Variants in ROBO1 observed in about 807,000 individuals in gnomAD.
ROBO1 encodes roundabout homolog 1.
A neutral mutation model predicts 195.9 loss-of-function variants in ROBO1; 149 were observed. The ratio of observed to expected loss-of-function variants is 0.76; its 90% CI spans 0.67 to 0.87. The LOEUF is 0.87. Ranked by LOEUF, ROBO1 falls within the 40% of genes least tolerant of loss-of-function variation. The pLI is 0.00. For missense variants in ROBO1, 1,933 were observed against 2,068.3 expected (o/e 0.93, Z 1.27); for synonymous variants, 816 against 733.2 (o/e 1.11, Z -1.82).
chr3:79,560,574 TA>T lies in ROBO1; in HGVS notation c.88+29249del, dbSNP rs1279997034. 1.5e-3 allele frequency among the ~76,000 whole-genome samples: 205 copies of T among 134,942 alleles called. 2 individuals are homozygous for T. The highest frequency in any genetic ancestry group is 5.6e-3 in the African/African-American group (194 of 34,898). 88.5% of individuals were successfully genotyped at this position (134,942 alleles called of 152,430 possible). A position where few individuals can be genotyped will look rare whatever the true frequency, so the allele number is the denominator to read the frequency against. ...ATATATATATACACATACACATACA[TA>T]AAAAAAAATACTTGCCACAAGTACA... On this transcript the variant is annotated intron_variant, in intron 2 of 30. Coordinates refer to ENST00000464233, the MANE Select transcript of ROBO1 (RefSeq NM_002941.4).
chr3:79,508,132 A>G (rs28662218), intron 2 of ROBO1, among the ~76,000 whole-genome samples: 45,972 of 151,868 alleles, frequency 0.3, 7,240 homozygotes, highest in Non-Finnish European at 0.35. Context: ...GAGGAATAGC[A>G]TTAGGACAAA....
At chr3:78,758,420 A>G (rs2082997084) in intron 4 of ROBO1, among the ~76,000 whole-genome samples, 2 of 150,660 alleles carry the variant, frequency 1.3e-5, no homozygotes, top group South Asian at 4.2e-4. Flanking sequence ...GCTACTTGGA[A>G]GGCTGAGGTG....
At chr3:79,609,583 C>T (rs540105786) in intron 1 of ROBO1, among the ~76,000 whole-genome samples, 54 of 151,700 alleles carry the variant, frequency 3.6e-4, no homozygotes, top group Non-Finnish European at 6.5e-4. Context: ...TCATAATATT[C>T]AAAAGGGGAA....
chr3:79,072,660 T>C (rs982341718), intron 3 of ROBO1, among the ~76,000 whole-genome samples: 7 of 151,946 alleles, frequency 4.6e-5, no homozygotes, highest in African/African-American at 1.2e-4. Flanking sequence ...TTGACAATTA[T>C]TATTGGCTTA....
chr3:79,444,230 C>T (rs1436479154), intron 2 of ROBO1, among the ~76,000 whole-genome samples: 1 of 152,004 alleles, frequency 6.6e-6, no homozygotes, highest in African/African-American at 2.4e-5. Flanking sequence ...GAAGACATTA[C>T]AGGCATTAAA....
At chr3:79,266,265 T>C (rs75742706) in intron 2 of ROBO1, among the ~76,000 whole-genome samples, 2,627 of 151,682 alleles carry the variant, frequency 0.017, 33 homozygotes, top group Non-Finnish European at 0.027. Context: ...TATTTCTAGA[T>C]GTAGCAATTT....
intron 3 of ROBO1, among the ~76,000 whole-genome samples, chr3:79,080,801 G>C (rs1294511255): frequency 6.6e-6 from 1 of 152,044 alleles, no homozygotes; most frequent in Non-Finnish European, 1.5e-5. Flanking sequence ...TATCTCCCCA[G>C]TTGGATAGAG....
At position 78,748,782 on chromosome 3, in the gene ROBO1, G is replaced by A. The variant is rs117625103; in HGVS notation, c.500-1882C>T. 9.6e-4 allele frequency among the ~76,000 whole-genome samples: 144 copies of A among 150,664 alleles called. No homozygotes were observed. In the East Asian group the frequency reaches 0.012, roughly 13 times the overall value. On this transcript the variant is annotated intron_variant, in intron 4 of 30. Coordinates refer to ENST00000464233, the MANE Select transcript of ROBO1 (RefSeq NM_002941.4). ...CTGAATATTAAGACAACTTGGGCAC[G>A]GCATGACTATGTTAATATTTGGAAA...
chr3:78,836,989 C>T (rs1015465258), intron 4 of ROBO1, among the ~76,000 whole-genome samples: 5 of 152,120 alleles, frequency 3.3e-5, no homozygotes, highest in African/African-American at 1.2e-4. Context: ...TTCATCTGCT[C>T]ATCACATCTT....
chr3:79,061,231 C>G (rs143689209), intron 3 of ROBO1, among the ~76,000 whole-genome samples: 2 of 152,020 alleles, frequency 1.3e-5, no homozygotes, highest in Admixed American at 6.6e-5. Context: ...AGCCAAATCA[C>G]GAGTGAACTC....
rs956924105 is a variant in ROBO1 at position 78,948,202 on chromosome 3, A to T, written c.173-9275T>A. On this transcript the variant is annotated intron_variant, in intron 3 of 30. Coordinates refer to ENST00000464233, the MANE Select transcript of ROBO1 (RefSeq NM_002941.4). ...GCCAGCATCATCCTGATACCAAAGCATGGCAGAGACACAACCAATTTTAGA... is the reference window on the plus strand; with the variant it reads ...GCCAGCATCATCCTGATACCAAAGCTTGGCAGAGACACAACCAATTTTAGA... Among the ~76,000 whole-genome samples the T allele has an allele frequency of 1.1e-4, 17 of 152,238 alleles. No homozygotes were observed. In the East Asian group the frequency reaches 2.5e-3, roughly 23 times the overall value.
At chr3:78,636,245 C>A (rs573118292) in intron 22 of ROBO1, 137 bp from the exon 23 acceptor site, 5 of 559,588 alleles carry the variant, frequency 8.9e-6, no homozygotes, top group African/African-American at 7.6e-5. Flanking sequence ...TCAATAAAAA[C>A]GGCCAAATAT....
At chr3:78,787,922 T>G (rs1373843249) in intron 4 of ROBO1, among the ~76,000 whole-genome samples, 2 of 124,362 alleles carry the variant, frequency 1.6e-5, no homozygotes, top group Non-Finnish European at 3.3e-5. Context: ...GTTAGACCCC[T>G]TCTCTTTTTT....
chr3:79,721,406 A>C (rs1560131151), intron 1 of ROBO1, among the ~76,000 whole-genome samples: 1 of 152,200 alleles, frequency 6.6e-6, no homozygotes. Flanking sequence ...TCTTATGATG[A>C]GTCCTTATAA....
chr3:78,924,863 T>C (rs1290366688), intron 4 of ROBO1, among the ~76,000 whole-genome samples: 1 of 152,096 alleles, frequency 6.6e-6, no homozygotes, highest in African/African-American at 2.4e-5. Context: ...CTTAAATATT[T>C]AATATCTGTA....
chr3:79,548,966 G>C (rs76828671), intron 2 of ROBO1, among the ~76,000 whole-genome samples: 1 of 152,060 alleles, frequency 6.6e-6, no homozygotes, highest in Admixed American at 6.6e-5. Context: ...AGAGAATCTG[G>C]GGTCATTGCC....
intron 4 of ROBO1, among the ~76,000 whole-genome samples, chr3:78,754,762 T>C (rs945400527): frequency 6.6e-6 from 1 of 152,098 alleles, no homozygotes; most frequent in African/African-American, 2.4e-5. Flanking sequence ...ATACATGTCA[T>C]GAAGGAAGGT....
chr3:79,541,387 C>G (rs1942059216), intron 2 of ROBO1, among the ~76,000 whole-genome samples: 1 of 151,940 alleles, frequency 6.6e-6, no homozygotes, highest in African/African-American at 2.4e-5. Context: ...TATTAACATG[C>G]CCCCCTCCCA....
chr3:79,696,955 A>G (rs1380405492), intron 1 of ROBO1, among the ~76,000 whole-genome samples: 1 of 151,534 alleles, frequency 6.6e-6, no homozygotes, highest in Non-Finnish European at 1.5e-5. Context: ...ACATAAATAT[A>G]TTGTCTCAAA....
Sources: gnomAD v4.1 joint callset for allele counts (sites outside exome capture counted in the v4.1 genomes callset) on GRCh38, gnomAD v4.1.1 for gene constraint, MANE v1.5 for transcripts, NCBI Gene and HGNC (gene_info 2026-07-23, HGNC 2026-07-21) for gene names.